Variants in OPCML observed in about 807,000 individuals in gnomAD.
The protein encoded by OPCML is opioid binding protein/cell adhesion molecule like, also known as opioid-binding protein/cell adhesion molecule.
A neutral mutation model predicts 37.8 loss-of-function variants in OPCML; 13 were observed. That is an observed-to-expected ratio of 0.34 (90% CI 0.22 to 0.55). The LOEUF (loss-of-function observed/expected upper bound fraction) is 0.55. Ranked by LOEUF, OPCML falls within the 20% of genes least tolerant of loss-of-function variation. The probability of loss-of-function intolerance (pLI) is 0.91; values close to 1 mark genes in which losing one functional copy is unlikely to be tolerated. For synonymous variants in OPCML, 176 were observed against 168.8 expected (o/e 1.04, Z -0.33); for missense variants, 341 against 435.6 (o/e 0.78, Z 1.93).
chr11:133,489,844 AT>A, intron 1 of OPCML, among the ~76,000 whole-genome samples: 2 of 141,838 alleles, frequency 1.4e-5, no homozygotes, highest in African/African-American at 5.4e-5. Context: ...ACATATATAT[AT>A]ATATATATTT....
chr11:132,555,880 C>G (rs375421451), intron 3 of OPCML, among the ~76,000 whole-genome samples: 15 of 152,048 alleles, frequency 9.9e-5, no homozygotes, highest in Admixed American at 7.2e-4. Context: ...GATCTCTTTA[C>G]AAAGAGAGTA....
chr11:133,016,478 C>T (rs10750523), intron 1 of OPCML, among the ~76,000 whole-genome samples: 37,665 of 152,042 alleles, frequency 0.25, 5,546 homozygotes, highest in East Asian at 0.53. Context: ...TCTTTGATGT[C>T]CCTTTCTGTC....
At chr11:133,149,964 G>A (rs536443801) in intron 1 of OPCML, among the ~76,000 whole-genome samples, 9 of 152,198 alleles carry the variant, frequency 5.9e-5, no homozygotes, top group African/African-American at 9.7e-5. Context: ...GAGGGGAAGC[G>A]TCTGGTGCTT....
chr11:132,619,444 A>C (rs1939259061), intron 3 of OPCML, among the ~76,000 whole-genome samples: 1 of 152,180 alleles, frequency 6.6e-6, no homozygotes, highest in Non-Finnish European at 1.5e-5. Flanking sequence ...TGATGAATAA[A>C]TTATGAATGA....
chr11:133,480,184 C>G (rs1392437340), intron 1 of OPCML, among the ~76,000 whole-genome samples: 1 of 152,224 alleles, frequency 6.6e-6, no homozygotes, highest in African/African-American at 2.4e-5. Context: ...TCTCCTACAT[C>G]TACAGCTAAC....
chr11:132,927,522 A>G (rs568983703), intron 2 of OPCML, among the ~76,000 whole-genome samples: 1 of 152,236 alleles, frequency 6.6e-6, no homozygotes, highest in Non-Finnish European at 1.5e-5. Flanking sequence ...TCCCCATATA[A>G]ACAAAAGCTG....
intron 1 of OPCML, among the ~76,000 whole-genome samples, chr11:133,183,829 A>G (rs1269759230): frequency 6.6e-6 from 1 of 152,234 alleles, no homozygotes; most frequent in African/African-American, 2.4e-5. Context: ...CTCATACTCT[A>G]AAGAGAAAAG....
chr11:133,268,988 G>T (rs1307044843), intron 1 of OPCML, among the ~76,000 whole-genome samples: 5 of 152,074 alleles, frequency 3.3e-5, no homozygotes, highest in African/African-American at 1.2e-4. Flanking sequence ...ACAATTCTAG[G>T]GGTACCTCTT....
chr11:133,488,076 T>A (rs1399293412), intron 1 of OPCML, among the ~76,000 whole-genome samples: 1 of 152,110 alleles, frequency 6.6e-6, no homozygotes, highest in Non-Finnish European at 1.5e-5. Context: ...CCATTCATGA[T>A]AAACATCCTC....
intron 2 of OPCML, among the ~76,000 whole-genome samples, chr11:132,715,186 C>G (rs973813705): frequency 1.3e-5 from 2 of 152,236 alleles, no homozygotes; most frequent in African/African-American, 4.8e-5. Flanking sequence ...AAGACAGAGT[C>G]TAGCTCAGCG....
At chr11:132,827,199 A>T (rs1368878406) in intron 2 of OPCML, among the ~76,000 whole-genome samples, 2 of 152,208 alleles carry the variant, frequency 1.3e-5, no homozygotes, top group Non-Finnish European at 2.9e-5. Flanking sequence ...ACAGATACAA[A>T]AACTACTCTC....
intron 3 of OPCML, among the ~76,000 whole-genome samples, chr11:132,579,269 T>C (rs945657968): frequency 2.0e-5 from 3 of 152,152 alleles, no homozygotes; most frequent in Non-Finnish European, 4.4e-5. Context: ...AGTTTGTTTC[T>C]CTTGGGAAGA....
At chr11:132,990,505 G>A (rs1946756035) in intron 1 of OPCML, among the ~76,000 whole-genome samples, 1 of 152,144 alleles carries the variant, frequency 6.6e-6, no homozygotes, top group Non-Finnish European at 1.5e-5. Flanking sequence ...AGGAAAGGTA[G>A]GCATTCTATT....
At chr11:132,438,572 G>A (rs1316304532) in intron 4 of OPCML, among the ~76,000 whole-genome samples, 1 of 151,904 alleles carries the variant, frequency 6.6e-6, no homozygotes, top group Non-Finnish European at 1.5e-5. Flanking sequence ...TGGGCAGCAG[G>A]AAGGTGGAAG....
At chr11:133,225,090 C>T (rs545146184) in intron 1 of OPCML, among the ~76,000 whole-genome samples, 1 of 152,330 alleles carries the variant, frequency 6.6e-6, no homozygotes, top group South Asian at 2.1e-4. Flanking sequence ...ATTATTCTTG[C>T]TGTAATTATG....
chr11:133,246,136 A>G (rs975151738), intron 1 of OPCML, among the ~76,000 whole-genome samples: 4 of 152,232 alleles, frequency 2.6e-5, no homozygotes, highest in African/African-American at 9.6e-5. Context: ...AAAAAAAATT[A>G]AAAAGAAGCT....
intron 1 of OPCML, among the ~76,000 whole-genome samples, chr11:133,470,415 G>A (rs544895586): frequency 2.6e-5 from 4 of 152,300 alleles, no homozygotes; most frequent in Non-Finnish European, 1.5e-5. Context: ...AGCCCCCAGA[G>A]AGAAGCTGAC....
chr11:133,001,376 G>A (rs1456231320), intron 1 of OPCML, among the ~76,000 whole-genome samples: 1 of 152,120 alleles, frequency 6.6e-6, no homozygotes, highest in African/African-American at 2.4e-5. Context: ...ACTGGTCTCT[G>A]GTTTTTAAGC....
At chr11:133,399,966 C>A (rs750770479) in intron 1 of OPCML, among the ~76,000 whole-genome samples, 2 of 151,926 alleles carry the variant, frequency 1.3e-5, no homozygotes, top group Non-Finnish European at 2.9e-5. Context: ...GCTAGACTAA[C>A]CTTCCAGTGA....
Sources: gnomAD v4.1 joint callset for allele counts (sites outside exome capture counted in the v4.1 genomes callset) on GRCh38, gnomAD v4.1.1 for gene constraint, MANE v1.5 for transcripts, NCBI Gene and HGNC (gene_info 2026-07-23, HGNC 2026-07-21) for gene names.